Variants in ZNF713 observed in about 807,000 individuals in gnomAD.
The protein encoded by ZNF713 is zinc finger protein 713.
Under a neutral mutation model 28.7 loss-of-function variants are expected in ZNF713, and 21 were observed. The ratio of observed to expected loss-of-function variants is 0.73; its 90% CI spans 0.52 to 1.05. The LOEUF is 1.05. ZNF713 is among the 50% of genes least tolerant of loss of function. ZNF713 has a pLI of 0.00. For missense variants in ZNF713, 458 were observed against 532.4 expected, an observed-to-expected ratio of 0.86 and a Z score of 1.37; for synonymous variants, 167 against 178.0, an observed-to-expected ratio of 0.94 and a Z score of 0.49.
intron 6 of ZNF713, among the ~76,000 whole-genome samples, chr7:55,930,263 T>C (rs1240805121): frequency 6.6e-6 from 1 of 152,182 alleles, no homozygotes; most frequent in Non-Finnish European, 1.5e-5. Context: ...AATTATATTT[T>C]CTTGCCTACC....
In ZNF713 at chr7:55,923,594, C is replaced by T. The variant is rs749655551; in HGVS notation, c.215-13C>T. On this transcript the variant is annotated splice_polypyrimidine_tract_variant and intron_variant, in intron 5 of 6. Transcript: ENST00000429591. ...GTACAAACTCCTAAGATGTATGTTA[C>T]TCCTGTGAATAGGGTATCAGCTTTG... 1.3e-6 allele frequency: 2 copies of T among 1,578,800 alleles called. No homozygotes were observed. Among genetic ancestry groups the T allele is most frequent in the Admixed American group, 3.6e-5 (2 of 55,620 alleles).
chr7:55,914,686 A>G (rs1584307798), intron 4 of ZNF713, among the ~76,000 whole-genome samples: 1 of 152,160 alleles, frequency 6.6e-6, no homozygotes, highest in African/African-American at 2.4e-5. Flanking sequence ...ACCAGCAGGT[A>G]GGGTTTGGAG....
At chr7:55,896,601 GTATA>G (rs4049408) in intron 1 of ZNF713, among the ~76,000 whole-genome samples, 1 of 149,302 alleles carries the variant, frequency 6.7e-6, no homozygotes, top group Admixed American at 6.7e-5. Flanking sequence ...GTGTGTGTGT[GTATA>G]TATATATACA....
chr7:55,908,674 T>G (rs1785731498), intron 2 of ZNF713, among the ~76,000 whole-genome samples: 1 of 152,166 alleles, frequency 6.6e-6, no homozygotes, highest in African/African-American at 2.4e-5. Context: ...GCAAATATTT[T>G]GTCCTGTTGT....
intron 6 of ZNF713, among the ~76,000 whole-genome samples, chr7:55,938,450 G>A (rs78107571): frequency 0.036 from 5,441 of 152,108 alleles, 335 homozygotes; most frequent in African/African-American, 0.12. Flanking sequence ...TCCTTTAATG[G>A]GTGGGATTCT....
chr7:55,909,307 A>G (rs911788351), intron 2 of ZNF713, among the ~76,000 whole-genome samples: 2 of 151,518 alleles, frequency 1.3e-5, no homozygotes, highest in Admixed American at 1.3e-4. Context: ...TTCCCCATGT[A>G]TATTTTTGTT....
chr7:55,925,504 C>T (rs1232887226), intron 6 of ZNF713, among the ~76,000 whole-genome samples: 1 of 152,132 alleles, frequency 6.6e-6, no homozygotes, highest in Non-Finnish European at 1.5e-5. Context: ...GCCTGTAGTC[C>T]TAGCTACCTG....
intron 6 of ZNF713, among the ~76,000 whole-genome samples, chr7:55,935,310 A>G (rs1431606846): frequency 6.6e-6 from 1 of 152,230 alleles, no homozygotes; most frequent in Admixed American, 6.5e-5. Flanking sequence ...AAAATTTAAC[A>G]GCAGGAGAAA....
At chr7:55,899,526 T>C (rs1785535934) in intron 1 of ZNF713, among the ~76,000 whole-genome samples, 4 of 146,184 alleles carry the variant, frequency 2.7e-5, no homozygotes, top group African/African-American at 1.0e-4. Context: ...CAAAAAAATT[T>C]GCCGGGTGTG....
chr7:55,918,387 TA>T (rs1785927294), intron 4 of ZNF713: 1 of 189,104 alleles, frequency 5.3e-6, no homozygotes. Flanking sequence ...ATGAGCAAAG[TA>T]AATGATACTT....
chr7:55,889,333 C>T (rs988572964), intron 1 of ZNF713, among the ~76,000 whole-genome samples: 2 of 152,104 alleles, frequency 1.3e-5, no homozygotes, highest in African/African-American at 2.4e-5. Flanking sequence ...AACTCCTGAC[C>T]TCAGGTGATC....
intron 6 of ZNF713, among the ~76,000 whole-genome samples, chr7:55,933,371 C>T (rs1321494339): frequency 6.6e-6 from 1 of 151,952 alleles, no homozygotes; most frequent in Non-Finnish European, 1.5e-5. Flanking sequence ...AATCTCGACT[C>T]TGCAACCTCC....
chr7:55,887,886 CG>C (rs1284017056), intron 1 of ZNF713, among the ~76,000 whole-genome samples: 4 of 74,728 alleles, frequency 5.4e-5, no homozygotes, highest in South Asian at 5.5e-4. Context: ...GCGGCGGCGG[CG>C]GGCGGCGGCG....
At chr7:55,919,046 G>T (rs995870111) in intron 4 of ZNF713, among the ~76,000 whole-genome samples, 2 of 151,794 alleles carry the variant, frequency 1.3e-5, no homozygotes, top group African/African-American at 4.8e-5. Context: ...TGAACTCAAC[G>T]ATCTACTAAA....
intron 1 of ZNF713, among the ~76,000 whole-genome samples, chr7:55,896,957 T>A (rs936923252): frequency 1.3e-5 from 2 of 152,084 alleles, no homozygotes; most frequent in African/African-American, 4.8e-5. Flanking sequence ...CTGAAACAAT[T>A]TGTGCAATAA....
chr7:55,915,640 A>G (rs1785869632), intron 4 of ZNF713, among the ~76,000 whole-genome samples: 1 of 152,236 alleles, frequency 6.6e-6, no homozygotes, highest in Non-Finnish European at 1.5e-5. Context: ...CATTTTGGAC[A>G]TGTGCTAAAA....
intron 6 of ZNF713, among the ~76,000 whole-genome samples, chr7:55,930,195 A>G (rs1263814452): frequency 6.6e-6 from 1 of 152,204 alleles, no homozygotes; most frequent in Non-Finnish European, 1.5e-5. Flanking sequence ...TACATTTAAC[A>G]TATGAAAAAA....
intron 6 of ZNF713, among the ~76,000 whole-genome samples, chr7:55,933,768 A>T (rs894595840): frequency 6.6e-6 from 1 of 152,176 alleles, no homozygotes; most frequent in Non-Finnish European, 1.5e-5. Flanking sequence ...GCAGTGGCAC[A>T]ATCTCAGCTC....
At chr7:55,938,132 A>G (rs558600322) in intron 6 of ZNF713, among the ~76,000 whole-genome samples, 148 of 152,076 alleles carry the variant, frequency 9.7e-4, no homozygotes, top group Non-Finnish European at 1.8e-3. Context: ...TGAACCCGGG[A>G]GGTGGAGGTT....
Sources: gnomAD v4.1 joint callset for allele counts (sites outside exome capture counted in the v4.1 genomes callset) on GRCh38, gnomAD v4.1.1 for gene constraint, MANE v1.5 for transcripts, NCBI Gene and HGNC (gene_info 2026-07-23, HGNC 2026-07-21) for gene names.